The following COP1 variants were observed in gnomAD, a reference collection of about 807,000 sequenced individuals.
COP1 encodes E3 ubiquitin-protein ligase COP1.
COP1 carries 24 observed loss-of-function variants against 101.3 expected under a neutral mutation model. The observed-to-expected ratio is 0.24, with a 90% CI of 0.17 to 0.33. The LOEUF (loss-of-function observed/expected upper bound fraction) is 0.33. Among genes scored for constraint, COP1 ranks in the 10% least tolerant of loss-of-function variants. The probability of loss-of-function intolerance (pLI) is 1.00; values close to 1 mark genes in which losing one functional copy is unlikely to be tolerated. For synonymous variants in COP1, 347 were observed against 341.9 expected (o/e 1.01, Z -0.17); for missense variants, 663 against 906.2 (o/e 0.73, Z 3.45).
At chr1:176,024,646 T>G (rs886463422) in intron 15 of COP1, among the ~76,000 whole-genome samples, 1 of 152,168 alleles carries the variant, frequency 6.6e-6, no homozygotes, top group Non-Finnish European at 1.5e-5. Flanking sequence ...TAAAGCAAAA[T>G]GGCATTCATA....
At chr1:175,978,652 T>A (rs975470116) in intron 18 of COP1, among the ~76,000 whole-genome samples, 10 of 152,046 alleles carry the variant, frequency 6.6e-5, no homozygotes, top group African/African-American at 2.4e-4. Flanking sequence ...TTCATTCTAC[T>A]CCCAAGACAG....
intron 11 of COP1, among the ~76,000 whole-genome samples, chr1:176,051,803 A>T (rs928623038): frequency 6.6e-6 from 1 of 152,046 alleles, no homozygotes; most frequent in African/African-American, 2.4e-5. Flanking sequence ...ACAAACAAAT[A>T]AAAAAAATTA....
chr1:176,136,678 T>C (rs1367729283), intron 6 of COP1, 131 bp from the exon 7 acceptor site: 5 of 565,140 alleles, frequency 8.8e-6, no homozygotes, highest in African/African-American at 1.9e-5. Context: ...TAATGGCAAA[T>C]TAACAGGAGG....
At chr1:175,959,058 A>G (rs1370911946) in intron 18 of COP1, among the ~76,000 whole-genome samples, 1 of 152,006 alleles carries the variant, frequency 6.6e-6, no homozygotes. Context: ...AAATGAAAAA[A>G]TCCTAAACAA....
At chr1:176,039,447 G>A (rs1670142595) in intron 14 of COP1, among the ~76,000 whole-genome samples, 1 of 151,538 alleles carries the variant, frequency 6.6e-6, no homozygotes, top group Non-Finnish European at 1.5e-5. Context: ...AAAAACTAGA[G>A]CAAAAATAGA....
chr1:175,987,918 G>A (rs531885655), intron 17 of COP1, among the ~76,000 whole-genome samples: 1 of 152,284 alleles, frequency 6.6e-6, no homozygotes, highest in East Asian at 1.9e-4. Context: ...AGGGGAAAAT[G>A]AATATCAAGC....
At chr1:176,162,830 C>A in intron 5 of COP1, 39 bp downstream of exon 5, 4 of 1,540,848 alleles carry the variant, frequency 2.6e-6, no homozygotes, top group South Asian at 1.3e-5. Flanking sequence ...CAATAAAGTT[C>A]ATCATTTAAA....
In COP1 at chr1:176,162,350, G is replaced by A. The variant is rs536514052; in HGVS notation, c.762+519C>T. 2.5e-3 allele frequency among the ~76,000 whole-genome samples: 383 copies of A among 152,036 alleles called. 2 individuals are homozygous for A. Among genetic ancestry groups the A allele is most frequent in the African/African-American group, 8.9e-3 (371 of 41,458 alleles). On this transcript the variant is annotated intron_variant, in intron 5 of 19. Transcript: ENST00000367669. ...CAATACTTGCAATTTCACATTTTACGTCTTTAACAGTTACGTAAAATAAAT... is the reference window on the plus strand; with the variant it reads ...CAATACTTGCAATTTCACATTTTACATCTTTAACAGTTACGTAAAATAAAT...
intron 5 of COP1, among the ~76,000 whole-genome samples, chr1:176,153,701 A>G (rs1044094201): frequency 1.3e-5 from 2 of 152,176 alleles, no homozygotes; most frequent in Non-Finnish European, 2.9e-5. Context: ...GCCTTTGCCC[A>G]TTTAATGATG....
At chr1:176,142,845 A>G (rs1690915049) in intron 6 of COP1, among the ~76,000 whole-genome samples, 2 of 152,012 alleles carry the variant, frequency 1.3e-5, no homozygotes, top group African/African-American at 4.8e-5. Context: ...ATATGATGCC[A>G]AAAGAATTAG....
intron 18 of COP1, among the ~76,000 whole-genome samples, chr1:175,965,815 C>T (rs1268102161): frequency 1.3e-5 from 2 of 152,116 alleles, no homozygotes; most frequent in Non-Finnish European, 2.9e-5. Context: ...AACTCCTGAC[C>T]TCGTGACCCA....
intron 15 of COP1, among the ~76,000 whole-genome samples, chr1:176,024,690 G>A (rs1042236465): frequency 6.6e-6 from 1 of 152,054 alleles, no homozygotes; most frequent in African/African-American, 2.4e-5. Context: ...TCTACGTGTA[G>A]AAAACCCCAA....
chr1:175,998,063 T>TAAAAAAAAAAAAAAAAAA lies in COP1; in HGVS notation c.1730-8602_1730-8585dup, dbSNP rs57110017. On this transcript the variant is annotated intron_variant, in intron 15 of 19. Coordinates refer to ENST00000367669, the MANE Select transcript of COP1 (RefSeq NM_022457.7). ...TGTACCCTAAAACTTAGAGTATAAT[T>TAAAAAAAAAAAAAAAAAA]AAAAAAAAAAAAAAAAAAAAAAAAA... Among the ~76,000 whole-genome samples the TAAAAAAAAAAAAAAAAAA allele has an allele frequency of 2.8e-4, 19 of 66,818 alleles. 1 individual carries two copies. Among genetic ancestry groups the TAAAAAAAAAAAAAAAAAA allele is most frequent in the African/African-American group, 1.3e-3 (16 of 12,702 alleles). The allele number at this position is 66,818 out of a possible 152,430, so 43.8% of individuals were successfully genotyped here.
At chr1:176,097,657 T>C (rs935840404) in intron 9 of COP1, among the ~76,000 whole-genome samples, 2 of 151,942 alleles carry the variant, frequency 1.3e-5, no homozygotes, top group Non-Finnish European at 2.9e-5. Flanking sequence ...TCACCTGAGG[T>C]CAGGAGTTCA....
chr1:175,961,297 C>T (rs1239071970), intron 18 of COP1, among the ~76,000 whole-genome samples: 7 of 152,130 alleles, frequency 4.6e-5, no homozygotes, highest in African/African-American at 1.2e-4. Flanking sequence ...CATAAAGAAA[C>T]GCTCCCAAAT....
intron 14 of COP1, among the ~76,000 whole-genome samples, chr1:176,034,393 G>A (rs1031028684): frequency 1.2e-4 from 19 of 152,122 alleles, no homozygotes; most frequent in African/African-American, 4.1e-4. Flanking sequence ...CTAATACTCA[G>A]AGTAAAACTC....
At chr1:176,050,420 A>G (rs6665578) in intron 11 of COP1, among the ~76,000 whole-genome samples, 1,559 of 152,348 alleles carry the variant, frequency 0.01, 24 homozygotes, top group African/African-American at 0.035. Context: ...TTTTGCAATT[A>G]TAAGTATTAA....
At chr1:176,176,598 C>G (rs1696975555) in intron 2 of COP1, among the ~76,000 whole-genome samples, 1 of 152,112 alleles carries the variant, frequency 6.6e-6, no homozygotes, top group Non-Finnish European at 1.5e-5. Flanking sequence ...GCAGGAAGAT[C>G]ACTTGAGGCC....
In COP1 at chr1:175,992,413, G is replaced by A. The variant is rs184634880; in HGVS notation, c.1730-2934C>T. 6.7e-3 allele frequency among the ~76,000 whole-genome samples: 1,014 copies of A among 152,302 alleles called. 9 individuals are homozygous for A. The highest frequency in any genetic ancestry group is 0.023 in the African/African-American group (959 of 41,556). On this transcript the variant is annotated intron_variant, in intron 15 of 19. Transcript: ENST00000367669. Reference sequence around the variant, plus strand: ...GTGGGTGCAGGAGAGTGGGTGCAGCGCACCGTGCGCGAGCCAAAGCAGGGT... The same window carrying A: ...GTGGGTGCAGGAGAGTGGGTGCAGCACACCGTGCGCGAGCCAAAGCAGGGT...
Sources: gnomAD v4.1 joint callset for allele counts (sites outside exome capture counted in the v4.1 genomes callset) on GRCh38, gnomAD v4.1.1 for gene constraint, MANE v1.5 for transcripts, NCBI Gene and HGNC (gene_info 2026-07-23, HGNC 2026-07-21) for gene names.